TEF: variants seen among roughly 807,000 people sequenced by gnomAD.
TEF encodes the protein TEF transcription factor, PAR bZIP family member.
Under a neutral mutation model 20.8 loss-of-function variants are expected in TEF, and 3 were observed. The observed-to-expected ratio is 0.14, with a 90% CI of 0.07 to 0.37. The LOEUF (loss-of-function observed/expected upper bound fraction) is 0.37, where lower values mean the gene tolerates loss of function less well. Ranked by LOEUF, TEF falls within the 10% of genes least tolerant of loss-of-function variation. The probability of loss-of-function intolerance (pLI) is 1.00; values close to 1 mark genes in which losing one functional copy is unlikely to be tolerated. For synonymous variants in TEF, 180 were observed against 171.1 expected (o/e 1.05, Z -0.41); for missense variants, 296 against 397.9 (o/e 0.74, Z 2.18).
At chr22:41,374,895 G>C (rs971209098) in intron 1 of TEF, among the ~76,000 whole-genome samples, 3 of 152,018 alleles carry the variant, frequency 2.0e-5, no homozygotes, top group Non-Finnish European at 2.9e-5. Context: ...AGGCAGGAGA[G>C]GCAGGCAAAT....
At chr22:41,384,814 A>G (rs745554383) in intron 1 of TEF, among the ~76,000 whole-genome samples, 4 of 151,966 alleles carry the variant, frequency 2.6e-5, no homozygotes, top group Non-Finnish European at 4.4e-5. Context: ...GTGTAGTGGT[A>G]CAGTCTCGTC....
At chr22:41,392,415 C>G (rs1248244122) in intron 2 of TEF, among the ~76,000 whole-genome samples, 1 of 152,138 alleles carries the variant, frequency 6.6e-6, no homozygotes, top group African/African-American at 2.4e-5. Flanking sequence ...GTGGCTCACA[C>G]CTGTAATCCC....
chr22:41,375,296 AAGG>A (rs2066630765), intron 1 of TEF, among the ~76,000 whole-genome samples: 1 of 152,198 alleles, frequency 6.6e-6, no homozygotes, highest in African/African-American at 2.4e-5. Flanking sequence ...CACTGAGACC[AAGG>A]AGGGTACAAA....
chr22:41,377,683 C>T (rs2036960498), upstream of TEF, among the ~76,000 whole-genome samples: 1 of 152,210 alleles, frequency 6.6e-6, no homozygotes, highest in Admixed American at 6.5e-5. Context: ...TAGCTAACCC[C>T]TCACAGCTGG....
chr22:41,370,196 C>T (rs1042281074), intron 1 of TEF: 1 of 688,030 alleles, frequency 1.5e-6, no homozygotes, highest in East Asian at 1.3e-4. Flanking sequence ...CTCACTGCAA[C>T]CTCTGCCTCC....
chr22:41,377,165 T>C (rs947773607), upstream of TEF: 4 of 151,958 alleles, frequency 2.6e-5, no homozygotes, highest in Admixed American at 6.6e-5. Flanking sequence ...CTCAGCTAAT[T>C]TTTTTTTCTT....
chr22:41,378,965 C>A (rs1191187458), upstream of TEF, among the ~76,000 whole-genome samples: 2 of 152,244 alleles, frequency 1.3e-5, no homozygotes, highest in African/African-American at 2.4e-5. Context: ...AATGGATATG[C>A]CAACCAGTTT....
upstream of TEF, among the ~76,000 whole-genome samples, chr22:41,380,529 T>A (rs2037003909): frequency 6.6e-6 from 1 of 152,168 alleles, no homozygotes; most frequent in Admixed American, 6.5e-5. Context: ...ATCTACCCCC[T>A]GAACCAAGGA....
chr22:41,382,062 C>T lies in TEF; in HGVS notation c.18C>T (p.Gly6=), dbSNP rs984740708. 4.1e-6 allele frequency: 5 copies of T among 1,231,072 alleles called. No individual in the cohort carries two copies. Among genetic ancestry groups the T allele is most frequent in the East Asian group, 3.2e-5 (1 of 31,622 alleles). 76.3% of individuals were successfully genotyped at this position (1,231,072 alleles called of 1,614,324 possible). The change falls in exon 1 of 4, where the codon GGC becomes GGT. Residue 6 remains glycine (G), a synonymous_variant. Coordinates refer to ENST00000266304, the MANE Select transcript of TEF (RefSeq NM_003216.4). ...GGGGCACGATGTCCGACGCGGGCGG[C>T]GGAAAGAAGCCGCCTGTGGACCCGC... MSDAG[G]GKKPPVDPQA...
At chr22:41,384,396 C>A (rs1053571642) in intron 1 of TEF, among the ~76,000 whole-genome samples, 1 of 152,048 alleles carries the variant, frequency 6.6e-6, no homozygotes, top group African/African-American at 2.4e-5. Flanking sequence ...AGATCCAGTC[C>A]CCACTAATTG....
At chr22:41,372,432 T>G (rs2036893088) in intron 1 of TEF, among the ~76,000 whole-genome samples, 2 of 152,222 alleles carry the variant, frequency 1.3e-5, no homozygotes, top group African/African-American at 2.4e-5. Context: ...GTATTGTGTG[T>G]GCCTATGTCA....
chr22:41,374,143 C>T (rs547180583), intron 1 of TEF, among the ~76,000 whole-genome samples: 2 of 152,174 alleles, frequency 1.3e-5, no homozygotes, highest in East Asian at 1.9e-4. Flanking sequence ...CAGTGGCTCA[C>T]GTCTGTAATC....
At chr22:41,389,450 A>T (rs1255155994) in intron 2 of TEF, among the ~76,000 whole-genome samples, 1 of 149,816 alleles carries the variant, frequency 6.7e-6, no homozygotes, top group Non-Finnish European at 1.5e-5. Flanking sequence ...TGAAACCTCG[A>T]CTCTACTAAA....
intron 1 of TEF, among the ~76,000 whole-genome samples, chr22:41,372,136 T>C (rs1023630692): frequency 4.7e-4 from 71 of 152,288 alleles, no homozygotes; most frequent in African/African-American, 1.0e-3. Context: ...TCACTGCCTC[T>C]TTCTAAATGG....
upstream of TEF, among the ~76,000 whole-genome samples, chr22:41,379,401 G>C (rs13057328): frequency 6.6e-6 from 1 of 152,192 alleles, no homozygotes; most frequent in Non-Finnish European, 1.5e-5. Flanking sequence ...CAGCTACTCA[G>C]GAGGCTGAGG....
At chr22:41,392,146 T>C (rs2037174417) in intron 2 of TEF, among the ~76,000 whole-genome samples, 1 of 152,194 alleles carries the variant, frequency 6.6e-6, no homozygotes, top group African/African-American at 2.4e-5. Flanking sequence ...AAGGTATAGT[T>C]TTTCTTAATA....
chr22:41,393,819 G>T (rs372411316), intron 2 of TEF, among the ~76,000 whole-genome samples: 6 of 152,004 alleles, frequency 3.9e-5, no homozygotes, highest in Admixed American at 6.6e-5. Flanking sequence ...AACATTTCTG[G>T]AGGGGGTGGA....
rs1212422678 is a variant in TEF at position 41,396,299 on chromosome 22, C to T, written c.*339C>T. ...GGGCGCTCAGGGTCCCTGGACTCTC[C>T]CTCAGTCTCCAGCCTGGGCTGCCGA... On this transcript the variant is annotated 3_prime_UTR_variant, in exon 4 of 4. Coordinates refer to ENST00000266304, the MANE Select transcript of TEF (RefSeq NM_003216.4). 8.0e-6 allele frequency: 2 copies of T among 248,722 alleles called. No homozygotes were observed. Among genetic ancestry groups the T allele is most frequent in the Non-Finnish European group, 1.6e-5 (2 of 127,286 alleles). 15.4% of individuals were successfully genotyped at this position (248,722 alleles called of 1,614,324 possible). A position where few individuals can be genotyped will look rare whatever the true frequency, so the allele number is the denominator to read the frequency against.
chr22:41,387,929 C>T (rs2037117757), intron 2 of TEF, among the ~76,000 whole-genome samples: 1 of 150,714 alleles, frequency 6.6e-6, no homozygotes, highest in Non-Finnish European at 1.5e-5. Flanking sequence ...CAGGACCTTC[C>T]AGGCCACGGC....
Sources: gnomAD v4.1 joint callset for allele counts (sites outside exome capture counted in the v4.1 genomes callset) on GRCh38, gnomAD v4.1.1 for gene constraint, MANE v1.5 for transcripts, NCBI Gene and HGNC (gene_info 2026-07-23, HGNC 2026-07-21) for gene names.